BCAT1: variants seen among roughly 807,000 people sequenced by gnomAD.
BCAT1 encodes the protein branched chain amino acid transaminase 1.
In BCAT1, 48 loss-of-function variants were observed where a neutral mutation model predicts 52.4. That is an observed-to-expected ratio of 0.92 (90% CI 0.73 to 1.16). The LOEUF is 1.16. Ranked by LOEUF, BCAT1 falls within the 50% of genes most tolerant of loss-of-function variation. The pLI is 0.00. For synonymous variants in BCAT1, 167 were observed against 161.3 expected (o/e 1.04, Z -0.27); for missense variants, 451 against 457.1 (o/e 0.99, Z 0.12).
chr12:24,915,827 G>A (rs1943397813), intron 1 of BCAT1, among the ~76,000 whole-genome samples: 1 of 152,192 alleles, frequency 6.6e-6, no homozygotes, highest in Non-Finnish European at 1.5e-5. Context: ...GGCTTTGTTG[G>A]AATTTTTTCA....
intron 5 of BCAT1, among the ~76,000 whole-genome samples, chr12:24,859,738 T>C (rs550436872): frequency 9.2e-5 from 14 of 152,288 alleles, no homozygotes; most frequent in Admixed American, 2.0e-4. Context: ...GTGTTTTAAA[T>C]CTTTGATATT....
At chr12:24,919,440 C>G (rs1391028) in intron 1 of BCAT1, among the ~76,000 whole-genome samples, 48,778 of 152,068 alleles carry the variant, frequency 0.32, 9,165 homozygotes, top group Middle Eastern at 0.54. Flanking sequence ...AGACAATTAT[C>G]TAGTATCTAG....
intron 8 of BCAT1, chr12:24,834,653 A>G (rs1455071828): frequency 1.0e-6 from 1 of 990,378 alleles, no homozygotes; most frequent in Non-Finnish European, 1.2e-6. Context: ...TGCTGTAAGT[A>G]GATTTGGAAG....
chr12:24,900,581 C>G (rs1357532062), intron 2 of BCAT1, among the ~76,000 whole-genome samples: 2 of 152,062 alleles, frequency 1.3e-5, no homozygotes, highest in African/African-American at 4.8e-5. Context: ...GAACAAGACT[C>G]TGTCTCAAAA....
At chr12:24,894,229 C>T (rs370376134) in intron 3 of BCAT1, 46 bp downstream of exon 3, 391 of 1,573,002 alleles carry the variant, frequency 2.5e-4, no homozygotes, top group Middle Eastern at 5.0e-4. Flanking sequence ...TTAGTACCCA[C>T]AGTGAAGTGC....
chr12:24,914,429 A>G (rs987280175), intron 1 of BCAT1, among the ~76,000 whole-genome samples: 2 of 152,160 alleles, frequency 1.3e-5, no homozygotes, highest in Non-Finnish European at 2.9e-5. Flanking sequence ...AGTCGTGAGA[A>G]CAGGCCGCTC....
At chr12:24,938,938 A>G (rs1043632861) in intron 1 of BCAT1, among the ~76,000 whole-genome samples, 7 of 152,028 alleles carry the variant, frequency 4.6e-5, no homozygotes, top group African/African-American at 7.3e-5. Flanking sequence ...ACAGTGGTGC[A>G]ATCTCAGCTC....
chr12:24,941,260 T>C (rs1231750247), intron 1 of BCAT1, among the ~76,000 whole-genome samples: 2 of 152,232 alleles, frequency 1.3e-5, no homozygotes, highest in African/African-American at 4.8e-5. Flanking sequence ...CCAGTAGACA[T>C]ATATAGCAGC....
chr12:24,856,247 GCCTTCACC>G (rs1464727781), intron 5 of BCAT1, among the ~76,000 whole-genome samples: 1 of 152,078 alleles, frequency 6.6e-6, no homozygotes, highest in Non-Finnish European at 1.5e-5. Context: ...GGGTGAAATA[GCCTTCACC>G]CTCTACACAC....
intron 7 of BCAT1, among the ~76,000 whole-genome samples, chr12:24,837,948 G>C: frequency 6.6e-6 from 1 of 152,320 alleles, no homozygotes; most frequent in East Asian, 1.9e-4. Flanking sequence ...GTGAGGTCTA[G>C]TAGGACAATT....
In BCAT1 at chr12:24,939,175, C is replaced by G. The variant is rs116180597; in HGVS notation, c.6+9752G>C. Among the ~76,000 whole-genome samples, 1,429 of 152,200 alleles carry G rather than the reference C, an allele frequency of 9.4e-3. 13 individuals are homozygous for G. Among genetic ancestry groups the G allele is most frequent in the African/African-American group, 0.032 (1,347 of 41,548 alleles). ...AGGCATGAGCCACTGCACCCAGCCA[C>G]CTTTGCTTTTTATGTATATCTCCCT... On this transcript the variant is annotated intron_variant, in intron 1 of 10. Coordinates refer to ENST00000261192, the MANE Select transcript of BCAT1 (RefSeq NM_005504.7).
intron 1 of BCAT1, among the ~76,000 whole-genome samples, chr12:24,929,240 G>T (rs929126074): frequency 2.0e-5 from 3 of 152,120 alleles, no homozygotes; most frequent in African/African-American, 7.2e-5. Flanking sequence ...TCCATTCTTT[G>T]GGATCCGTGT....
At position 24,867,044 on chromosome 12, in the gene BCAT1, C is replaced by T. The variant is rs528000205; in HGVS notation, c.510+11486G>A. On this transcript the variant is annotated intron_variant, in intron 5 of 10. Transcript: ENST00000261192. ...TCTGCAGCTTCACTCCTGAAGCCAG[C>T]GAGACCACGAACCCACCGCAAGGAA... 6.2e-4 allele frequency among the ~76,000 whole-genome samples: 95 copies of T among 152,196 alleles called. No homozygotes were observed. In the South Asian group the frequency reaches 0.019, roughly 31 times the overall value.
At chr12:24,929,080 CT>C (rs1294757960) in intron 1 of BCAT1, among the ~76,000 whole-genome samples, 1 of 152,070 alleles carries the variant, frequency 6.6e-6, no homozygotes, top group Non-Finnish European at 1.5e-5. Context: ...TTAAATATGC[CT>C]TTCTCAAATG....
chr12:24,836,611 T>C lies in BCAT1; in HGVS notation c.818-15A>G. The C allele has an allele frequency of 6.3e-7, 1 of 1,597,118 alleles. No individual in the cohort carries two copies. Among genetic ancestry groups the C allele is most frequent in the Non-Finnish European group, 8.6e-7 (1 of 1,168,390 alleles). ...CAGTTCTTCTTCTGTCAATCAGAAATTGGGACATTTTCAAACTTTCACTAC... is the reference window on the plus strand; with the variant it reads ...CAGTTCTTCTTCTGTCAATCAGAAACTGGGACATTTTCAAACTTTCACTAC... On this transcript the variant is annotated splice_polypyrimidine_tract_variant and intron_variant, in intron 7 of 10. Transcript: ENST00000261192.
chr12:24,826,679 A>G (rs184011640), intron 10 of BCAT1, among the ~76,000 whole-genome samples: 1 of 152,300 alleles, frequency 6.6e-6, no homozygotes, highest in Non-Finnish European at 1.5e-5. Context: ...GAAGAAAGTC[A>G]TCAGTATTTT....
rs899890396 is a variant in BCAT1, at chr12:24,811,594, C to T, written c.*6414G>A. 6.6e-6 allele frequency: 1 copy of T among 152,118 alleles called. No homozygotes were observed. The highest frequency in any genetic ancestry group is 6.6e-5 in the Admixed American group (1 of 15,258). The allele number at this position is 152,118 out of a possible 1,614,324, so 9.4% of individuals were successfully genotyped here. ...TCAGAGCATGAGGTAGTTTCCTTTA[C>T]CTACGATATTTTCCACATTTCCATT... On this transcript the variant is annotated 3_prime_UTR_variant, in exon 11 of 11. Coordinates refer to ENST00000261192, the MANE Select transcript of BCAT1 (RefSeq NM_005504.7).
chr12:24,815,966 T>G lies in BCAT1; in HGVS notation c.*2042A>C, dbSNP rs781309965. ...CTAGACTACTATATGAAGAATGAGG[T>G]CAAAGGAGTTAGCCAAGGCGAAAGC... is the stretch of plus-strand genomic sequence containing the variant. On this transcript the variant is annotated 3_prime_UTR_variant, in exon 11 of 11. Transcript: ENST00000261192. The G allele has an allele frequency of 7.9e-5, 12 of 152,130 alleles. No individual in the cohort carries two copies. The highest frequency in any genetic ancestry group is 1.5e-4 in the Non-Finnish European group (10 of 68,054). The allele number at this position is 152,130 out of a possible 1,614,324, so 9.4% of individuals were successfully genotyped here.
Position 24,814,636 on chromosome 12 carries a change from C to T in BCAT1, c.*3372G>A, listed in dbSNP as rs1301898722. The T allele has an allele frequency of 6.6e-6, 1 of 152,098 alleles. No individual in the cohort carries two copies. Among genetic ancestry groups the T allele is most frequent in the African/African-American group, 2.4e-5 (1 of 41,424 alleles). 9.4% of individuals were successfully genotyped at this position (152,098 alleles called of 1,614,324 possible). A position where few individuals can be genotyped will look rare whatever the true frequency, so the allele number is the denominator to read the frequency against. On this transcript the variant is annotated 3_prime_UTR_variant, in exon 11 of 11. Transcript: ENST00000261192. Reference sequence around the variant, plus strand: ...CTTGGATTTGAGGCAAGCAAGACCACTTGCTTAGGTAAATTTTATGAAGCA... The same window carrying T: ...CTTGGATTTGAGGCAAGCAAGACCATTTGCTTAGGTAAATTTTATGAAGCA...
Sources: allele counts gnomAD v4.1 joint callset (sites outside exome capture counted in the v4.1 genomes callset), GRCh38; gene constraint gnomAD v4.1.1; transcripts MANE v1.5; gene names NCBI Gene and HGNC (gene_info 2026-07-23, HGNC 2026-07-21).